LRP1B: variants seen among roughly 807,000 people sequenced by gnomAD.
The protein encoded by LRP1B is LDL receptor related protein 1B, also known as low-density lipoprotein receptor-related protein 1B.
In LRP1B, 217 loss-of-function variants were observed where a neutral mutation model predicts 556.6. That is an observed-to-expected ratio of 0.39 (90% CI 0.35 to 0.44). The LOEUF (loss-of-function observed/expected upper bound fraction) is 0.44. LRP1B is among the 20% of genes least tolerant of loss of function. The pLI is 1.00. For synonymous variants in LRP1B, 2,047 were observed against 1,865.8 expected, an observed-to-expected ratio of 1.10 and a Z score of -2.50; for missense variants, 5,053 against 5,620.8, an observed-to-expected ratio of 0.90 and a Z score of 3.23.
intron 75 of LRP1B, among the ~76,000 whole-genome samples, chr2:140,354,142 A>G (rs966391963): frequency 4.6e-5 from 7 of 151,978 alleles, no homozygotes; most frequent in African/African-American, 1.7e-4. Flanking sequence ...TAGCCAGCAT[A>G]TTTCCCCTGC....
intron 18 of LRP1B, among the ~76,000 whole-genome samples, chr2:140,958,776 C>T (rs1314421559): frequency 1.3e-5 from 2 of 151,562 alleles, no homozygotes; most frequent in Non-Finnish European, 3.0e-5. Flanking sequence ...AATTAACCTG[C>T]AACAATTTTA....
Position 140,232,066 on chromosome 2 carries a change from T to C in LRP1B, c.*1120A>G, listed in dbSNP as rs1680497285. The C allele has an allele frequency of 6.7e-6, 1 of 148,450 alleles. No individual in the cohort carries two copies. Among genetic ancestry groups the C allele is most frequent in the Admixed American group, 6.9e-5 (1 of 14,590 alleles). The allele number at this position is 148,450 out of a possible 1,614,324, so 9.2% of individuals were successfully genotyped here. On this transcript the variant is annotated 3_prime_UTR_variant, in exon 91 of 91. Transcript: ENST00000389484. ...AGCATTTCGACTCTCCACTTTTGATTATGGGAAGATCATTGTTCTTCTACA... is the reference window on the plus strand; with the variant it reads ...AGCATTTCGACTCTCCACTTTTGATCATGGGAAGATCATTGTTCTTCTACA...
intron 2 of LRP1B, among the ~76,000 whole-genome samples, chr2:141,663,942 A>AC (rs1690324340): frequency 6.6e-6 from 1 of 151,766 alleles, no homozygotes; most frequent in South Asian, 2.1e-4. Flanking sequence ...AAAAACAAAA[A>AC]CACAAAACTT....
chr2:141,398,684 C>T (rs1415625768), intron 3 of LRP1B, among the ~76,000 whole-genome samples: 1 of 152,094 alleles, frequency 6.6e-6, no homozygotes, highest in Non-Finnish European at 1.5e-5. Context: ...TTACTAAATA[C>T]CATATGGTTT....
At chr2:140,718,038 C>A (rs973125967) in intron 35 of LRP1B, among the ~76,000 whole-genome samples, 2 of 152,008 alleles carry the variant, frequency 1.3e-5, no homozygotes, top group African/African-American at 4.8e-5. Context: ...AATCAATCAA[C>A]AAAAATAAAT....
intron 2 of LRP1B, among the ~76,000 whole-genome samples, chr2:141,806,694 C>T (rs368416701): frequency 1.3e-5 from 2 of 151,932 alleles, no homozygotes; most frequent in Non-Finnish European, 1.5e-5. Flanking sequence ...AATATGGACT[C>T]GATAAACTTT....
chr2:140,679,112 T>C (rs1035133220), intron 41 of LRP1B, among the ~76,000 whole-genome samples: 5 of 152,150 alleles, frequency 3.3e-5, no homozygotes, highest in African/African-American at 9.7e-5. Context: ...GGCTGCCTTC[T>C]TGTGCCCTCA....
At chr2:141,157,987 G>T (rs1281352606) in intron 7 of LRP1B, among the ~76,000 whole-genome samples, 2 of 152,086 alleles carry the variant, frequency 1.3e-5, no homozygotes, top group African/African-American at 4.8e-5. Context: ...TACACCAGTT[G>T]TCATAACTAA....
chr2:140,632,741 CA>C (rs1210893893), intron 41 of LRP1B, among the ~76,000 whole-genome samples: 1 of 152,038 alleles, frequency 6.6e-6, no homozygotes, highest in Admixed American at 6.6e-5. Context: ...AAAATAAAAA[CA>C]AGACCCAATT....
chr2:140,368,050 G>T (rs1057438913), intron 71 of LRP1B, among the ~76,000 whole-genome samples: 2 of 151,724 alleles, frequency 1.3e-5, no homozygotes, highest in Non-Finnish European at 2.9e-5. Context: ...AAGACTTGAT[G>T]TTGTACTCCA....
At chr2:141,892,606 G>C (rs914367443) in intron 1 of LRP1B, among the ~76,000 whole-genome samples, 3 of 152,048 alleles carry the variant, frequency 2.0e-5, no homozygotes, top group Non-Finnish European at 4.4e-5. Context: ...CTACAAGTTA[G>C]ACTTCACTTT....
chr2:141,773,122 T>C (rs188966704), intron 2 of LRP1B, among the ~76,000 whole-genome samples: 53 of 152,336 alleles, frequency 3.5e-4, no homozygotes, highest in African/African-American at 1.2e-3. Flanking sequence ...CTTCAGTTAT[T>C]TTCTAGTTGT....
In LRP1B at chr2:140,406,437, A is replaced by C. The variant is rs190997730; in HGVS notation, c.10415-20428T>G. ...TCACCAATGATATGATCAAATACCTAGAAAACCCTAAAGACCCCACCAAAA... is the reference window on the plus strand; with the variant it reads ...TCACCAATGATATGATCAAATACCTCGAAAACCCTAAAGACCCCACCAAAA... On this transcript the variant is annotated intron_variant, in intron 66 of 90. Coordinates refer to ENST00000389484, the MANE Select transcript of LRP1B (RefSeq NM_018557.3). 7.3e-3 allele frequency among the ~76,000 whole-genome samples: 1,107 copies of C among 152,242 alleles called. 5 individuals are homozygous for C. Among genetic ancestry groups the C allele is most frequent in the Middle Eastern group, 0.031 (9 of 294 alleles).
intron 2 of LRP1B, among the ~76,000 whole-genome samples, chr2:141,502,296 T>C (rs1683745573): frequency 6.6e-6 from 1 of 152,258 alleles, no homozygotes; most frequent in African/African-American, 2.4e-5. Context: ...AGTTTAGCTA[T>C]ATTTGATATA....
intron 35 of LRP1B, among the ~76,000 whole-genome samples, chr2:140,731,403 A>G (rs1687770762): frequency 6.6e-6 from 1 of 152,238 alleles, no homozygotes; most frequent in Non-Finnish European, 1.5e-5. Context: ...TATAAGAGTT[A>G]TTAGCATAGT....
intron 43 of LRP1B, among the ~76,000 whole-genome samples, chr2:140,590,499 T>G (rs537334216): frequency 1.4e-3 from 219 of 151,878 alleles, no homozygotes; most frequent in African/African-American, 5.1e-3. Context: ...TAATTAAGAT[T>G]AAATAAGGTC....
At chr2:141,868,876 TA>T (rs1214314669) in intron 1 of LRP1B, among the ~76,000 whole-genome samples, 2 of 152,142 alleles carry the variant, frequency 1.3e-5, no homozygotes, top group East Asian at 3.9e-4. Flanking sequence ...GAGGCTCATT[TA>T]CAAAGTAATC....
intron 2 of LRP1B, among the ~76,000 whole-genome samples, chr2:141,513,728 A>AAAAAT (rs57494681): frequency 5.0e-4 from 75 of 150,908 alleles, no homozygotes; most frequent in African/African-American, 1.6e-3. Context: ...TCTTGTGCTT[A>AAAAAT]AAAATAAAAT....
At chr2:142,020,919 G>A (rs1703307288) in intron 1 of LRP1B, among the ~76,000 whole-genome samples, 1 of 152,188 alleles carries the variant, frequency 6.6e-6, no homozygotes, top group Non-Finnish European at 1.5e-5. Flanking sequence ...AAAGCAGCTA[G>A]TAAATGTTCA....
Sources: allele counts gnomAD v4.1 joint callset (sites outside exome capture counted in the v4.1 genomes callset), GRCh38; gene constraint gnomAD v4.1.1; transcripts MANE v1.5; gene names NCBI Gene and HGNC (gene_info 2026-07-23, HGNC 2026-07-21).